FLRT2: variants seen among roughly 807,000 people sequenced by gnomAD.
FLRT2 encodes the protein leucine-rich repeat transmembrane protein FLRT2.
In FLRT2, 15 loss-of-function variants were observed where a neutral mutation model predicts 40.0. The ratio of observed to expected loss-of-function variants is 0.38; its 90% CI spans 0.25 to 0.58. The LOEUF (loss-of-function observed/expected upper bound fraction) is 0.58. Ranked by LOEUF, FLRT2 falls within the 20% of genes least tolerant of loss-of-function variation. FLRT2 has a pLI of 0.71. For missense variants in FLRT2, 726 were observed against 840.0 expected (o/e 0.86, Z 1.68); for synonymous variants, 380 against 336.8 (o/e 1.13, Z -1.41).
At chr14:85,567,635 ATTT>A (rs34161461) in intron 1 of FLRT2, among the ~76,000 whole-genome samples, 11 of 75,058 alleles carry the variant, frequency 1.5e-4, no homozygotes, top group African/African-American at 3.9e-4. Context: ...AGTGACTTAC[ATTT>A]TTTTTTTTTT....
chr14:85,537,217 A>C (rs1284331251), intron 1 of FLRT2, among the ~76,000 whole-genome samples: 1 of 152,140 alleles, frequency 6.6e-6, no homozygotes, highest in Non-Finnish European at 1.5e-5. Flanking sequence ...TAGAAATTTC[A>C]ATTTTAGCCG....
intron 1 of FLRT2, among the ~76,000 whole-genome samples, chr14:85,611,291 C>T (rs1892846302): frequency 1.3e-5 from 2 of 152,070 alleles, no homozygotes; most frequent in Non-Finnish European, 2.9e-5. Context: ...TCAACAATTG[C>T]CTGATGAATA....
At chr14:85,616,227 GC>G (rs2139360931) in intron 1 of FLRT2, among the ~76,000 whole-genome samples, 1 of 150,984 alleles carries the variant, frequency 6.6e-6, no homozygotes, top group African/African-American at 2.4e-5. Flanking sequence ...CCTAGCACCT[GC>G]CATTAAGCCA....
intron 1 of FLRT2, among the ~76,000 whole-genome samples, chr14:85,613,399 G>A (rs1469616533): frequency 6.6e-6 from 1 of 152,150 alleles, no homozygotes; most frequent in Non-Finnish European, 1.5e-5. Context: ...TTTCCTAGTT[G>A]CATGTTCTAT....
At chr14:85,582,237 C>A (rs1014143199) in intron 1 of FLRT2, among the ~76,000 whole-genome samples, 4 of 152,026 alleles carry the variant, frequency 2.6e-5, no homozygotes, top group Non-Finnish European at 5.9e-5. Context: ...TGAAATACAA[C>A]CTTGTGATTA....
chr14:85,581,180 T>C (rs1001432227), intron 1 of FLRT2, among the ~76,000 whole-genome samples: 2 of 152,204 alleles, frequency 1.3e-5, no homozygotes, highest in African/African-American at 2.4e-5. Flanking sequence ...TATTAAAACA[T>C]TCTGATCTAG....
rs1893532271 is a variant in FLRT2 at position 85,623,614 on chromosome 14, A to G, written c.*117A>G. Reference sequence around the variant, plus strand: ...AAATGTTACACAGATGCATTTGTGCATTTGAATACTCTGTAATTTATACGG... The same window carrying G: ...AAATGTTACACAGATGCATTTGTGCGTTTGAATACTCTGTAATTTATACGG... On this transcript the variant is annotated 3_prime_UTR_variant, in exon 2 of 2. Transcript: ENST00000330753. The G allele has an allele frequency of 1.3e-6, 1 of 773,548 alleles. No individual in the cohort carries two copies. The highest frequency in any genetic ancestry group is 1.9e-6 in the Non-Finnish European group (1 of 525,708). The allele number at this position is 773,548 out of a possible 1,614,324, so 47.9% of individuals were successfully genotyped here. A position where few individuals can be genotyped will look rare whatever the true frequency, so the allele number is the denominator to read the frequency against.
At position 85,638,852 on chromosome 14, in the gene FLRT2, C is replaced by G. The variant is rs764869392; in HGVS notation, c.*15355C>G. 1.4e-4 allele frequency: 21 copies of G among 152,108 alleles called. No individual in the cohort carries two copies. The highest frequency in any genetic ancestry group is 2.6e-4 in the Non-Finnish European group (18 of 68,040). The allele number at this position is 152,108 out of a possible 1,614,324, so 9.4% of individuals were successfully genotyped here. ...ACCAGTACTGAACTTTTCCCCTTCT[C>G]TTATGATTGTCAAATAACCTTGTTA... On this transcript the variant is annotated 3_prime_UTR_variant, in exon 2 of 2. Transcript: ENST00000330753.
intron 1 of FLRT2, among the ~76,000 whole-genome samples, chr14:85,555,404 A>G (rs2018653): frequency 0.2 from 30,816 of 152,180 alleles, 3,469 homozygotes; most frequent in South Asian, 0.26. Flanking sequence ...AAGCCTCACA[A>G]TCATAGTGGA....
In FLRT2 at chr14:85,622,720, A is replaced by T; in HGVS notation, c.1206A>T (p.Thr402=). 6.2e-7 allele frequency: 1 copy of T among 1,613,980 alleles called. No homozygotes were observed. The highest frequency in any genetic ancestry group is 1.1e-5 in the South Asian group (1 of 91,066). The part of the protein sequence containing the change: ...SRSYTPPTPT[T]SKLPTIPDWD... ...GCTACACGCCTCCAACTCCTACCAC[A>T]TCGAAACTTCCCACGATTCCTGACT... The change falls in exon 2 of 2, where the codon ACA becomes ACT. Residue 402 remains threonine (T), a synonymous_variant. Coordinates refer to ENST00000330753, the MANE Select transcript of FLRT2 (RefSeq NM_013231.6).
At chr14:85,547,916 A>G (rs1230860352) in intron 1 of FLRT2, among the ~76,000 whole-genome samples, 1 of 152,244 alleles carries the variant, frequency 6.6e-6, no homozygotes, top group Non-Finnish European at 1.5e-5. Context: ...TAGGTAGATG[A>G]GAGGAAAATA....
intron 1 of FLRT2, among the ~76,000 whole-genome samples, chr14:85,542,941 G>A (rs1889064947): frequency 1.3e-5 from 2 of 152,134 alleles, no homozygotes; most frequent in Admixed American, 1.3e-4. Context: ...AATCTGATAG[G>A]TTGGCCTATA....
rs1893798423 is a variant in FLRT2, at chr14:85,628,845, A to G, written c.*5348A>G. Reference sequence around the variant, plus strand: ...AAGAGTTACAGACCTTATTCTATACAGACTAAACCATTAGTCAAAAAATAC... The same window carrying G: ...AAGAGTTACAGACCTTATTCTATACGGACTAAACCATTAGTCAAAAAATAC... On this transcript the variant is annotated 3_prime_UTR_variant, in exon 2 of 2. Coordinates refer to ENST00000330753, the MANE Select transcript of FLRT2 (RefSeq NM_013231.6). The G allele has an allele frequency of 6.6e-6, 1 of 152,176 alleles. No homozygotes were observed. The highest frequency in any genetic ancestry group is 2.4e-5 in the African/African-American group (1 of 41,440). 9.4% of individuals were successfully genotyped at this position (152,176 alleles called of 1,614,324 possible). A position where few individuals can be genotyped will look rare whatever the true frequency, so the allele number is the denominator to read the frequency against.
At chr14:85,588,810 A>G (rs977192941) in intron 1 of FLRT2, among the ~76,000 whole-genome samples, 2 of 151,970 alleles carry the variant, frequency 1.3e-5, no homozygotes, top group Non-Finnish European at 2.9e-5. Flanking sequence ...TTTCTATTCT[A>G]TATGTCTATG....
At chr14:85,564,858 G>A (rs1290406861) in intron 1 of FLRT2, among the ~76,000 whole-genome samples, 1 of 152,216 alleles carries the variant, frequency 6.6e-6, no homozygotes, top group Non-Finnish European at 1.5e-5. Flanking sequence ...TGTGATGTGA[G>A]ATAGATAAGA....
intron 1 of FLRT2, among the ~76,000 whole-genome samples, chr14:85,535,558 A>G (rs1888596435): frequency 6.6e-6 from 1 of 152,184 alleles, no homozygotes; most frequent in Admixed American, 6.5e-5. Flanking sequence ...ATTAGCAGAG[A>G]ATCAATCTGT....
rs1893975121 is a variant in FLRT2 at position 85,635,316 on chromosome 14, A to C, written c.*11819A>C. ...TCACTTCAGTGGTTGGCATATATTC[A>C]AACCCATTATGGCTGAAAAATTACA... On this transcript the variant is annotated 3_prime_UTR_variant, in exon 2 of 2. Transcript: ENST00000330753. 6.6e-6 allele frequency: 1 copy of C among 152,134 alleles called. No homozygotes were observed. Among genetic ancestry groups the C allele is most frequent in the Non-Finnish European group, 1.5e-5 (1 of 68,014 alleles). 9.4% of individuals were successfully genotyped at this position (152,134 alleles called of 1,614,324 possible).
intron 1 of FLRT2, among the ~76,000 whole-genome samples, chr14:85,591,609 T>A (rs987782047): frequency 7.2e-5 from 11 of 152,196 alleles, no homozygotes; most frequent in African/African-American, 2.4e-4. Context: ...TTGAGGAAGT[T>A]ACAGAGCAGG....
chr14:85,600,089 G>T (rs907988919), intron 1 of FLRT2, among the ~76,000 whole-genome samples: 2 of 152,208 alleles, frequency 1.3e-5, no homozygotes, highest in Non-Finnish European at 2.9e-5. Flanking sequence ...ATAAATAAAG[G>T]AGGAGAGGCA....
Sources: allele counts gnomAD v4.1 joint callset (sites outside exome capture counted in the v4.1 genomes callset), GRCh38; gene constraint gnomAD v4.1.1; transcripts MANE v1.5; gene names NCBI Gene and HGNC (gene_info 2026-07-23, HGNC 2026-07-21).